The following TMEM272 variants were observed in gnomAD, a reference collection of about 807,000 sequenced individuals.
The protein encoded by TMEM272 is transmembrane protein 272.
In TMEM272, 8 loss-of-function variants were observed where a neutral mutation model predicts 3.7. That is an observed-to-expected ratio of 2.17 (90% CI 1.27 to 3.91). TMEM272 has a LOEUF of 3.91. TMEM272 is among the 30% of genes most tolerant of loss of function. The pLI, the probability that TMEM272 is intolerant of heterozygous loss-of-function variation, is 0.00. For synonymous variants in TMEM272, 63 were observed against 39.8 expected, an observed-to-expected ratio of 1.58 and a Z score of -2.20; for missense variants, 166 against 91.5, an observed-to-expected ratio of 1.81 and a Z score of -3.32.
At chr13:51,831,445 C>T (rs1284549569) in intron 2 of TMEM272, among the ~76,000 whole-genome samples, 3 of 152,144 alleles carry the variant, frequency 2.0e-5, no homozygotes, top group African/African-American at 7.2e-5. Flanking sequence ...ATAAAAGCAA[C>T]TCTCAGGTGA....
chr13:51,881,409 C>T, the TMEM272 span, among the ~76,000 whole-genome samples: 4 of 151,700 alleles, frequency 2.6e-5, no homozygotes, highest in Admixed American at 6.6e-5. Flanking sequence ...ACTAGAAAGG[C>T]GGCAGGAGGA....
chr13:51,817,144 G>T, intron 4 of TMEM272, 31 bp from the exon 5 acceptor site: 1 of 689,270 alleles, frequency 1.5e-6, no homozygotes, highest in South Asian at 1.5e-5. Flanking sequence ...AGGGTGGCAA[G>T]GCAGAGCAGC....
At chr13:51,820,579 G>C (rs1334314331) in intron 4 of TMEM272, among the ~76,000 whole-genome samples, 1 of 152,218 alleles carries the variant, frequency 6.6e-6, no homozygotes, top group African/African-American at 2.4e-5. Flanking sequence ...AAAGTTTGCT[G>C]TTTTTAAGAG....
rs530656497 is a variant in TMEM272, at chr13:51,832,285, T to C, written c.59-5660A>G. Among the ~76,000 whole-genome samples the C allele has an allele frequency of 1.2e-4, 18 of 152,302 alleles. 2 individuals are homozygous for C. The South Asian group carries it at 3.7e-3, about 32-fold the overall frequency. On this transcript the variant is annotated intron_variant, in intron 2 of 4. Transcript: ENST00000629372. ...AGTCAAAATAGGTAGCTGGGAGAATTCAATGCATTTTTAAATGGGTAATCT... is the reference window on the plus strand; with the variant it reads ...AGTCAAAATAGGTAGCTGGGAGAATCCAATGCATTTTTAAATGGGTAATCT...
At chr13:51,860,444 G>A in the TMEM272 span, among the ~76,000 whole-genome samples, 6 of 152,124 alleles carry the variant, frequency 3.9e-5, no homozygotes, top group African/African-American at 1.4e-4. Flanking sequence ...TTTGAGGCCA[G>A]CCTGGGCAAC....
At chr13:51,899,419 T>C in the TMEM272 span, among the ~76,000 whole-genome samples, 1 of 152,234 alleles carries the variant, frequency 6.6e-6, no homozygotes, top group Non-Finnish European at 1.5e-5. Context: ...AGTGTACTTC[T>C]AATCAGCAAC....
chr13:51,824,252 T>C (rs1038628777), intron 3 of TMEM272, among the ~76,000 whole-genome samples: 1 of 152,250 alleles, frequency 6.6e-6, no homozygotes, highest in African/African-American at 2.4e-5. Flanking sequence ...CTAGATTTTC[T>C]TTCTTGTCTG....
chr13:51,863,606 G>A, the TMEM272 span, among the ~76,000 whole-genome samples: 2 of 151,732 alleles, frequency 1.3e-5, no homozygotes, highest in African/African-American at 4.8e-5. Context: ...TGTGTGACTG[G>A]ATGGATGGTG....
At chr13:51,909,222 G>C in the TMEM272 span, 1 of 1,257,592 alleles carries the variant, frequency 8.0e-7, no homozygotes, top group Non-Finnish European at 1.2e-6. Flanking sequence ...GTTTCTTTCA[G>C]CAGTCCATGC....
intron 2 of TMEM272, among the ~76,000 whole-genome samples, chr13:51,830,895 T>C (rs1956167734): frequency 6.6e-6 from 1 of 152,198 alleles, no homozygotes; most frequent in South Asian, 2.1e-4. Context: ...TCACTCTTGC[T>C]TGAGATCTAA....
chr13:51,863,796 A>G, the TMEM272 span, among the ~76,000 whole-genome samples: 2 of 152,100 alleles, frequency 1.3e-5, no homozygotes, highest in African/African-American at 2.4e-5. Flanking sequence ...AATTTCCCCA[A>G]TAGGTCTCAC....
At chr13:51,875,295 G>A in the TMEM272 span, among the ~76,000 whole-genome samples, 1 of 152,140 alleles carries the variant, frequency 6.6e-6, no homozygotes, top group African/African-American at 2.4e-5. Flanking sequence ...TGGGGATTTG[G>A]ACCCAGGCTG....
chr13:51,817,285 C>T (rs1415744779), intron 4 of TMEM272, among the ~76,000 whole-genome samples, 172 bp from the exon 5 acceptor site: 4 of 152,050 alleles, frequency 2.6e-5, no homozygotes, highest in South Asian at 2.1e-4. Flanking sequence ...CATCAAGCAA[C>T]GAAATTTAAT....
At chr13:51,858,376 A>G in the TMEM272 span, among the ~76,000 whole-genome samples, 1 of 152,230 alleles carries the variant, frequency 6.6e-6, no homozygotes, top group Admixed American at 6.5e-5. Flanking sequence ...AATGATTGAA[A>G]TCAGAGTATA....
chr13:51,864,128 C>T, the TMEM272 span, among the ~76,000 whole-genome samples: 3 of 145,008 alleles, frequency 2.1e-5, no homozygotes, highest in Non-Finnish European at 4.5e-5. Context: ...TTTTTCTTTT[C>T]TTTTTTTCTT....
intron 2 of TMEM272, among the ~76,000 whole-genome samples, chr13:51,830,433 C>G (rs989672621): frequency 6.6e-6 from 1 of 152,252 alleles, no homozygotes; most frequent in Non-Finnish European, 1.5e-5. Flanking sequence ...TTACCTGCAG[C>G]ATGGACTGCA....
chr13:51,917,229 G>GTC, the TMEM272 span, among the ~76,000 whole-genome samples: 7 of 152,050 alleles, frequency 4.6e-5, no homozygotes, highest in African/African-American at 1.2e-4. Context: ...GACATCCCAG[G>GTC]TCTCTCTCTC....
rs761281584 is a variant in TMEM272, at chr13:51,816,951, C to T, written c.364G>A (p.Gly122Arg). 1.4e-6 allele frequency: 1 copy of T among 702,978 alleles called. No individual in the cohort carries two copies. The highest frequency in any genetic ancestry group is 1.5e-5 in the South Asian group (1 of 67,606). The allele number at this position is 702,978 out of a possible 1,614,324, so 43.5% of individuals were successfully genotyped here. Residue 122 changes from glycine (G) to arginine (R), a missense_variant, in exon 5 of 5, where the codon GGA becomes AGA. By Grantham distance (125) the Gly-to-Arg change is moderately radical. Transcript: ENST00000629372. ...SLFLFLWFIL[G>R]NYWVFSVYLP... ...TACACAGAAAAGACCCAGTAGTTTC[C>T]CAGGATGAACCAGAGGAAGAGGAAG... is the stretch of plus-strand genomic sequence containing the variant.
chr13:51,902,581 C>T, the TMEM272 span, among the ~76,000 whole-genome samples: 1 of 152,226 alleles, frequency 6.6e-6, no homozygotes, highest in Non-Finnish European at 1.5e-5. Flanking sequence ...GTTAGAGGGA[C>T]TGAGCATTCT....
Sources: gnomAD v4.1 joint callset for allele counts (sites outside exome capture counted in the v4.1 genomes callset) on GRCh38, gnomAD v4.1.1 for gene constraint, MANE v1.5 for transcripts, NCBI Gene and HGNC (gene_info 2026-07-23, HGNC 2026-07-21) for gene names.